RYK: variants seen among roughly 807,000 people sequenced by gnomAD.
RYK encodes the protein inactive tyrosine-protein kinase RYK.
A neutral mutation model predicts 70.2 loss-of-function variants in RYK; 21 were observed. That is an observed-to-expected ratio of 0.30 (90% confidence interval 0.21 to 0.43). RYK has a LOEUF of 0.43. Among genes scored for constraint, RYK ranks in the 20% least tolerant of loss-of-function variants. The pLI is 1.00. For missense variants in RYK, 604 were observed against 753.3 expected, an observed-to-expected ratio of 0.80 and a Z score of 2.32; for synonymous variants, 267 against 278.0, an observed-to-expected ratio of 0.96 and a Z score of 0.39.
chr3:134,177,471 G>T (rs2013145147), intron 11 of RYK, among the ~76,000 whole-genome samples: 1 of 152,178 alleles, frequency 6.6e-6, no homozygotes, highest in South Asian at 2.1e-4. Flanking sequence ...CACAAGCAGG[G>T]AAGAGAAACA....
At chr3:134,239,036 C>CA (rs1235186242) in intron 1 of RYK, among the ~76,000 whole-genome samples, 2 of 152,142 alleles carry the variant, frequency 1.3e-5, no homozygotes, top group African/African-American at 2.4e-5. Context: ...AGGGGAGAGA[C>CA]AAAATATGAT....
intron 3 of RYK, 60 bp from the exon 4 acceptor site, chr3:134,209,889 A>C: frequency 4.3e-6 from 5 of 1,170,856 alleles, no homozygotes; most frequent in Non-Finnish European, 5.9e-6. Context: ...TTAATGCCCC[A>C]AAATGATTCT....
chr3:134,235,122 G>A (rs540149729), intron 1 of RYK, among the ~76,000 whole-genome samples: 1 of 152,188 alleles, frequency 6.6e-6, no homozygotes, highest in South Asian at 2.1e-4. Context: ...CCGGGCAATG[G>A]TAAGAAGGCA....
chr3:134,230,233 C>T (rs535900199), intron 1 of RYK, among the ~76,000 whole-genome samples: 1 of 152,278 alleles, frequency 6.6e-6, no homozygotes, highest in Non-Finnish European at 1.5e-5. Flanking sequence ...ATTATGGGCA[C>T]CTGCCACCAC....
intron 8 of RYK, among the ~76,000 whole-genome samples, chr3:134,190,215 A>T (rs1310521108): frequency 6.6e-6 from 1 of 152,194 alleles, no homozygotes; most frequent in African/African-American, 2.4e-5. Context: ...ATAGAGCTAC[A>T]CACCCTGACC....
chr3:134,202,016 TTACTA>T (rs557402248), intron 6 of RYK, among the ~76,000 whole-genome samples: 105 of 152,346 alleles, frequency 6.9e-4, no homozygotes, highest in Non-Finnish European at 1.4e-3. Context: ...TTCACACACT[TTACTA>T]TACATATCAC....
intron 2 of RYK, among the ~76,000 whole-genome samples, chr3:134,216,329 G>A (rs1041268945): frequency 6.6e-6 from 1 of 152,038 alleles, no homozygotes; most frequent in Non-Finnish European, 1.5e-5. Flanking sequence ...CTCTGCAAAG[G>A]ACACAGCTGC....
chr3:134,247,684 A>C (rs1160431049), intron 1 of RYK, among the ~76,000 whole-genome samples: 1 of 151,360 alleles, frequency 6.6e-6, no homozygotes, highest in African/African-American at 2.4e-5. Flanking sequence ...CCTGGGCAAC[A>C]AGAGCGAAAC....
In RYK at chr3:134,157,195, C is replaced by A. The variant is rs2108135347; in HGVS notation, c.*958G>T. 6.5e-6 allele frequency: 1 copy of A among 152,734 alleles called. No individual in the cohort carries two copies. Among genetic ancestry groups the A allele is most frequent in the East Asian group, 1.9e-4 (1 of 5,188 alleles). The allele number at this position is 152,734 out of a possible 1,614,324, so 9.5% of individuals were successfully genotyped here. ...AAAAACAATTTTATACTTAAGCCAG[C>A]CTTGAAGATAAGCACAAAATTTACC... On this transcript the variant is annotated 3_prime_UTR_variant, in exon 15 of 15. Coordinates refer to ENST00000623711, the MANE Select transcript of RYK (RefSeq NM_002958.4).
At chr3:134,182,653 G>A (rs548793184) in intron 10 of RYK, among the ~76,000 whole-genome samples, 2 of 152,056 alleles carry the variant, frequency 1.3e-5, no homozygotes, top group East Asian at 1.9e-4. Flanking sequence ...GGTCCTATAC[G>A]TTCAAAAATC....
chr3:134,219,515 T>C (rs1170123470), intron 2 of RYK, among the ~76,000 whole-genome samples: 2 of 152,208 alleles, frequency 1.3e-5, no homozygotes, highest in South Asian at 2.1e-4. Flanking sequence ...TCAAAGTCAA[T>C]AGAAGTACCT....
chr3:134,168,096 G>A (rs2012750873), intron 13 of RYK, among the ~76,000 whole-genome samples: 1 of 152,182 alleles, frequency 6.6e-6, no homozygotes, highest in Non-Finnish European at 1.5e-5. Context: ...AGTTAGAATG[G>A]CAATCATTAA....
At chr3:134,200,527 A>G (rs1449933008) in intron 6 of RYK, among the ~76,000 whole-genome samples, 2 of 152,244 alleles carry the variant, frequency 1.3e-5, no homozygotes, top group Non-Finnish European at 2.9e-5. Context: ...CAGCAAGACC[A>G]AGAACCCACC....
chr3:134,201,229 T>C (rs1352421699), intron 6 of RYK, among the ~76,000 whole-genome samples: 1 of 152,204 alleles, frequency 6.6e-6, no homozygotes, highest in African/African-American at 2.4e-5. Flanking sequence ...ACAAATCATA[T>C]ACGTACTTCC....
chr3:134,158,489 AT>A (rs1421205964), intron 14 of RYK, among the ~76,000 whole-genome samples: 1 of 152,268 alleles, frequency 6.6e-6, no homozygotes, highest in Non-Finnish European at 1.5e-5. Context: ...ATATCAAAAT[AT>A]TTCAGCAAAT....
chr3:134,159,431 G>A, intron 13 of RYK, 58 bp from the exon 14 acceptor site: 1 of 1,491,306 alleles, frequency 6.7e-7, no homozygotes, highest in Admixed American at 2.3e-5. Context: ...CAGGGGGCTA[G>A]CGCCCACAGC....
chr3:134,159,405 C>A, intron 13 of RYK, 32 bp from the exon 14 acceptor site: 1 of 1,549,606 alleles, frequency 6.5e-7, no homozygotes, highest in Non-Finnish European at 8.7e-7. Flanking sequence ...AATGAGGGGA[C>A]ATTTAAAACA....
In RYK at chr3:134,249,917, GTTTTTT is replaced by G. The variant is rs71624038; in HGVS notation, c.232+500_232+505del. 9.2e-3 allele frequency among the ~76,000 whole-genome samples: 856 copies of G among 93,296 alleles called. 10 individuals are homozygous for G. Among genetic ancestry groups the G allele is most frequent in the African/African-American group, 0.043 (816 of 18,862 alleles). 61.2% of individuals were successfully genotyped at this position (93,296 alleles called of 152,430 possible). ...TATAACCTCCCCTTCTTTCTCTCTC[GTTTTTT>G]TTTTTTTTTTTTTTTTTTTTGTAAA... On this transcript the variant is annotated intron_variant, in intron 1 of 14. Coordinates refer to ENST00000623711, the MANE Select transcript of RYK (RefSeq NM_002958.4).
chr3:134,223,252 T>C (rs1055027095), intron 1 of RYK, among the ~76,000 whole-genome samples: 10 of 152,132 alleles, frequency 6.6e-5, no homozygotes, highest in Admixed American at 1.3e-4. Context: ...GAGAAGTGAC[T>C]CCGAAGTTTC....
Sources: allele counts gnomAD v4.1 joint callset (sites outside exome capture counted in the v4.1 genomes callset), GRCh38; gene constraint gnomAD v4.1.1; transcripts MANE v1.5; gene names NCBI Gene and HGNC (gene_info 2026-07-23, HGNC 2026-07-21).